Variants in STPG2 observed in about 807,000 individuals in gnomAD.
STPG2 encodes sperm tail PG-rich repeat containing 2, also known as sperm-tail PG-rich repeat-containing protein 2.
In STPG2, 56 loss-of-function variants were observed where a neutral mutation model predicts 54.2. The observed-to-expected ratio is 1.03, with a 90% CI of 0.83 to 1.29. The LOEUF is 1.29. STPG2 is among the 50% of genes most tolerant of loss of function. STPG2 has a pLI of 0.00. For missense variants in STPG2, 596 were observed against 544.9 expected (o/e 1.09, Z -0.93); for synonymous variants, 200 against 181.8 (o/e 1.10, Z -0.81).
intron 10 of STPG2, among the ~76,000 whole-genome samples, chr4:97,700,396 C>T (rs191074766): frequency 6.0e-4 from 91 of 152,250 alleles, no homozygotes; most frequent in Non-Finnish European, 9.4e-4. Flanking sequence ...CTCCAAAATC[C>T]CAATAGGTGC....
intron 4 of STPG2, among the ~76,000 whole-genome samples, chr4:97,448,882 G>C (rs1729296597): frequency 6.6e-6 from 1 of 151,956 alleles, no homozygotes; most frequent in African/African-American, 2.4e-5. Context: ...CTTAAAAATG[G>C]ACTGAGCTGA....
intron 9 of STPG2, among the ~76,000 whole-genome samples, chr4:97,757,780 T>C (rs1224541749): frequency 6.6e-6 from 1 of 152,188 alleles, no homozygotes; most frequent in East Asian, 1.9e-4. Flanking sequence ...ACATATTTAA[T>C]AGAGTTGTAG....
chr4:97,484,884 G>C (rs1244260046), intron 4 of STPG2, among the ~76,000 whole-genome samples: 1 of 151,902 alleles, frequency 6.6e-6, no homozygotes, highest in Admixed American at 6.6e-5. Flanking sequence ...TTTCACACCA[G>C]GGATGTAGGG....
intron 9 of STPG2, among the ~76,000 whole-genome samples, chr4:97,757,279 A>G (rs562446680): frequency 6.6e-6 from 1 of 152,208 alleles, no homozygotes; most frequent in South Asian, 2.1e-4. Context: ...TGCCTCCCAG[A>G]CCTTCCCCCC....
intron 10 of STPG2, among the ~76,000 whole-genome samples, chr4:97,568,480 ATG>A (rs941489202): frequency 6.6e-6 from 1 of 151,956 alleles, no homozygotes; most frequent in South Asian, 2.1e-4. Flanking sequence ...TGACATATAT[ATG>A]TGTGTGTGTG....
At chr4:97,921,791 C>A (rs1732118377) in intron 8 of STPG2, among the ~76,000 whole-genome samples, 1 of 152,054 alleles carries the variant, frequency 6.6e-6, no homozygotes. Context: ...AAGTGTTCAT[C>A]AACGGATAAA....
intron 10 of STPG2, among the ~76,000 whole-genome samples, chr4:97,565,456 G>A (rs1015908996): frequency 6.6e-6 from 1 of 152,194 alleles, no homozygotes; most frequent in Non-Finnish European, 1.5e-5. Flanking sequence ...TCTCTGTCCA[G>A]CTTTGTTCCA....
intron 9 of STPG2, among the ~76,000 whole-genome samples, chr4:97,797,126 T>A (rs1727215024): frequency 6.6e-6 from 1 of 152,228 alleles, no homozygotes; most frequent in Non-Finnish European, 1.5e-5. Context: ...AATCACGTCA[T>A]CTGCAAACAG....
intron 8 of STPG2, among the ~76,000 whole-genome samples, chr4:97,875,726 T>C (rs1730150109): frequency 6.6e-6 from 1 of 151,428 alleles, no homozygotes; most frequent in African/African-American, 2.4e-5. Context: ...ATAATTAGTA[T>C]GCAAATATTA....
chr4:98,025,286 G>C (rs867612440), intron 5 of STPG2: 3 of 183,748 alleles, frequency 1.6e-5, no homozygotes, highest in African/African-American at 7.2e-5. Context: ...GAGTTGTTTC[G>C]TTGTTGTGTA....
chr4:97,899,072 C>T (rs1201057121), intron 8 of STPG2, among the ~76,000 whole-genome samples: 1 of 151,628 alleles, frequency 6.6e-6, no homozygotes, highest in African/African-American at 2.4e-5. Flanking sequence ...TCTAGAAAAC[C>T]CCATAATCTC....
intron 4 of STPG2, among the ~76,000 whole-genome samples, chr4:97,490,380 A>C (rs1730478431): frequency 6.6e-6 from 1 of 151,460 alleles, no homozygotes; most frequent in Non-Finnish European, 1.5e-5. Flanking sequence ...TGGCAATATT[A>C]ATTATTCCCT....
chr4:97,615,553 G>A (rs1479385506), intron 10 of STPG2, among the ~76,000 whole-genome samples: 1 of 151,940 alleles, frequency 6.6e-6, no homozygotes, highest in Non-Finnish European at 1.5e-5. Flanking sequence ...CTCCTAAGTA[G>A]CGAGGATGAC....
intron 9 of STPG2, among the ~76,000 whole-genome samples, chr4:97,789,660 A>T (rs1206450668): frequency 1.3e-5 from 2 of 152,196 alleles, no homozygotes; most frequent in Non-Finnish European, 2.9e-5. Context: ...TAAAAACTAA[A>T]ATTAAGTCTC....
intron 9 of STPG2, among the ~76,000 whole-genome samples, chr4:97,830,798 G>A (rs1469665733): frequency 6.6e-6 from 1 of 152,064 alleles, no homozygotes; most frequent in Non-Finnish European, 1.5e-5. Flanking sequence ...AATGGTAAAG[G>A]GATCAATGCA....
intron 9 of STPG2, among the ~76,000 whole-genome samples, chr4:97,781,795 C>T (rs575942016): frequency 1.1e-4 from 17 of 152,166 alleles, no homozygotes; most frequent in Middle Eastern, 3.4e-3. Flanking sequence ...AATCAATAAA[C>T]GTAATCCAGC....
chr4:97,571,411 T>A lies in STPG2; in HGVS notation c.1321-12294A>T, dbSNP rs549700694. 3.3e-5 allele frequency among the ~76,000 whole-genome samples: 5 copies of A among 152,200 alleles called. No individual in the cohort carries two copies. In the South Asian group the frequency reaches 8.3e-4, roughly 25 times the overall value. On this transcript the variant is annotated intron_variant, in intron 10 of 10. Coordinates refer to ENST00000295268, the MANE Select transcript of STPG2 (RefSeq NM_174952.3). ...GAAGTGGAGGTCGAACGTGCCTCAT[T>A]ATACCTCTACGGCACTAACATCAAC...
At chr4:97,593,538 G>T (rs1482392180) in intron 10 of STPG2, among the ~76,000 whole-genome samples, 1 of 152,092 alleles carries the variant, frequency 6.6e-6, no homozygotes, top group Non-Finnish European at 1.5e-5. Flanking sequence ...ATCACTGCAT[G>T]GGTGAGCATG....
chr4:97,930,369 G>A (rs1732497937), intron 8 of STPG2, among the ~76,000 whole-genome samples: 1 of 152,138 alleles, frequency 6.6e-6, no homozygotes, highest in African/African-American at 2.4e-5. Context: ...TATAAAAAGG[G>A]GGTCCAGCTT....
Sources: allele counts gnomAD v4.1 joint callset (sites outside exome capture counted in the v4.1 genomes callset), GRCh38; gene constraint gnomAD v4.1.1; transcripts MANE v1.5; gene names NCBI Gene and HGNC (gene_info 2026-07-23, HGNC 2026-07-21).